The following MTSS1 variants were observed in gnomAD, a reference collection of about 807,000 sequenced individuals.
MTSS1 encodes the protein MTSS I-BAR domain containing 1.
A neutral mutation model predicts 79.0 loss-of-function variants in MTSS1; 18 were observed. The observed-to-expected ratio is 0.23, with a 90% confidence interval of 0.16 to 0.34. The LOEUF (loss-of-function observed/expected upper bound fraction) is 0.34. Among genes scored for constraint, MTSS1 ranks in the 10% least tolerant of loss-of-function variants. The pLI, the probability that MTSS1 is intolerant of heterozygous loss-of-function variation, is 1.00. For missense variants in MTSS1, 815 were observed against 986.2 expected, an observed-to-expected ratio of 0.83 and a Z score of 2.33; for synonymous variants, 341 against 368.6, an observed-to-expected ratio of 0.93 and a Z score of 0.86.
At chr8:124,649,334 C>T (rs1201433847) in intron 3 of MTSS1, among the ~76,000 whole-genome samples, 1 of 152,154 alleles carries the variant, frequency 6.6e-6, no homozygotes, top group Admixed American at 6.5e-5. Flanking sequence ...ATGGAAACCT[C>T]TAAGGAGAGG....
chr8:124,634,168 T>C (rs1816552307), intron 3 of MTSS1, among the ~76,000 whole-genome samples: 1 of 151,688 alleles, frequency 6.6e-6, no homozygotes, highest in African/African-American at 2.4e-5. Flanking sequence ...AGGACAGTGA[T>C]GTAATCATGG....
chr8:124,642,176 G>A (rs760333153), intron 3 of MTSS1, among the ~76,000 whole-genome samples: 8 of 152,170 alleles, frequency 5.3e-5, no homozygotes, highest in Non-Finnish European at 2.9e-5. Flanking sequence ...CGAGGCAGGT[G>A]CAGAATACAT....
At chr8:124,633,946 T>C (rs1816509155) in intron 3 of MTSS1, among the ~76,000 whole-genome samples, 1 of 152,160 alleles carries the variant, frequency 6.6e-6, no homozygotes, top group Non-Finnish European at 1.5e-5. Context: ...AGGCAATTCA[T>C]ATAATTACTT....
chr8:124,643,789 C>A (rs751629993), intron 3 of MTSS1, among the ~76,000 whole-genome samples: 2 of 151,226 alleles, frequency 1.3e-5, no homozygotes, highest in Non-Finnish European at 2.9e-5. Context: ...AGTATGTACC[C>A]ATTGTGTCTA....
At chr8:124,717,182 CT>C (rs1832162628) in intron 1 of MTSS1, among the ~76,000 whole-genome samples, 3 of 152,116 alleles carry the variant, frequency 2.0e-5, no homozygotes, top group African/African-American at 2.4e-5. Flanking sequence ...AGGCCCGCCC[CT>C]AACCACTCTA....
At chr8:124,611,725 A>T (rs1835856289) in intron 3 of MTSS1, among the ~76,000 whole-genome samples, 1 of 152,234 alleles carries the variant, frequency 6.6e-6, no homozygotes, top group Non-Finnish European at 1.5e-5. Flanking sequence ...AATCAGAAAT[A>T]TTAAAAGGAA....
chr8:124,634,443 A>G (rs1214040470), intron 3 of MTSS1, among the ~76,000 whole-genome samples: 2 of 152,072 alleles, frequency 1.3e-5, no homozygotes, highest in Non-Finnish European at 2.9e-5. Context: ...CTGCCCAGCC[A>G]ACAAGTCTTT....
At chr8:124,658,583 C>T (rs1312073545) in intron 3 of MTSS1, among the ~76,000 whole-genome samples, 1 of 152,186 alleles carries the variant, frequency 6.6e-6, no homozygotes, top group African/African-American at 2.4e-5. Context: ...GCAGCTTCTG[C>T]TTCTGGGGAG....
intron 3 of MTSS1, among the ~76,000 whole-genome samples, chr8:124,618,968 T>C (rs1812933052): frequency 6.6e-6 from 1 of 152,206 alleles, no homozygotes; most frequent in Non-Finnish European, 1.5e-5. Flanking sequence ...GGACAGATGT[T>C]TACTAAGTTT....
At position 124,617,843 on chromosome 8, in the gene MTSS1, G is replaced by A. The variant is rs530855776; in HGVS notation, c.209-26608C>T. Among the ~76,000 whole-genome samples, 18 of 152,294 alleles carry A rather than the reference G, an allele frequency of 1.2e-4. No individual in the cohort carries two copies. The East Asian group carries it at 3.5e-3, about 29-fold the overall frequency. ...TCTAGACTTTATTTCTAAAATCCCT[G>A]ACAACTCTATGTGGCAGGCATGAAT... On this transcript the variant is annotated intron_variant, in intron 3 of 13. Transcript: ENST00000518547.
At chr8:124,689,559 A>G (rs1279716952) in intron 3 of MTSS1, among the ~76,000 whole-genome samples, 1 of 151,988 alleles carries the variant, frequency 6.6e-6, no homozygotes, top group Non-Finnish European at 1.5e-5. Context: ...CAGCCTGACC[A>G]ACATGGAGAA....
rs116259709 is a variant in MTSS1 at position 124,578,170 on chromosome 8, G to A, written c.460+6917C>T. On this transcript the variant is annotated intron_variant, in intron 6 of 13. Coordinates refer to ENST00000518547, the MANE Select transcript of MTSS1 (RefSeq NM_014751.6). ...AGGTCAGTGTGGGGTGGGGAGACGC[G>A]GTCCAGGAAGCCAGAGGCTGAGTAG... Among the ~76,000 whole-genome samples the A allele has an allele frequency of 3.5e-3, 538 of 152,182 alleles. 1 individual carries two copies. The highest frequency in any genetic ancestry group is 0.017 in the Middle Eastern group (5 of 294).
At chr8:124,664,136 G>A (rs1452191399) in intron 3 of MTSS1, among the ~76,000 whole-genome samples, 1 of 152,224 alleles carries the variant, frequency 6.6e-6, no homozygotes, top group African/African-American at 2.4e-5. Flanking sequence ...AGAAGCCAGC[G>A]CCTGCAGGGC....
Position 124,582,916 on chromosome 8 carries a change from G to A in MTSS1, c.460+2171C>T, listed in dbSNP as rs79267040. ...AGCTCTCCATAAAAGATTCCAGTCC[G>A]AATGTGACTCTAGTACCTTTCAGAA... is the stretch of plus-strand genomic sequence containing the variant. On this transcript the variant is annotated intron_variant, in intron 6 of 13. Transcript: ENST00000518547. The surrounding 1 kb of genome is among the most constrained non-coding windows in gnomAD (Gnocchi z 4.8). Among the ~76,000 whole-genome samples, 12 of 152,284 alleles carry A rather than the reference G, an allele frequency of 7.9e-5. No individual in the cohort carries two copies. The East Asian group carries it at 1.3e-3, about 17-fold the overall frequency.
Position 124,647,555 on chromosome 8 carries a change from T to C in MTSS1, c.208+51971A>G, listed in dbSNP as rs551631140. 2.6e-5 allele frequency among the ~76,000 whole-genome samples: 4 copies of C among 152,326 alleles called. No individual in the cohort carries two copies. The South Asian group carries it at 8.3e-4, about 32-fold the overall frequency. On this transcript the variant is annotated intron_variant, in intron 3 of 13. Coordinates refer to ENST00000518547, the MANE Select transcript of MTSS1 (RefSeq NM_014751.6). ...ACAACTTATTCATCCTAAAACTTTG[T>C]ACTTTTAGCTAACAACAGTGTTTAT...
intron 3 of MTSS1, among the ~76,000 whole-genome samples, chr8:124,660,692 A>G (rs1469194632): frequency 6.6e-6 from 1 of 152,160 alleles, no homozygotes; most frequent in Non-Finnish European, 1.5e-5. Flanking sequence ...CAATATTTCT[A>G]CGAAGCTTGT....
At chr8:124,625,487 T>G (rs1814481407) in intron 3 of MTSS1, among the ~76,000 whole-genome samples, 1 of 152,214 alleles carries the variant, frequency 6.6e-6, no homozygotes, top group Non-Finnish European at 1.5e-5. Context: ...TCGCAAATGC[T>G]GAAACTTTAG....
chr8:124,628,726 C>G (rs1815247357), intron 3 of MTSS1, among the ~76,000 whole-genome samples: 1 of 152,194 alleles, frequency 6.6e-6, no homozygotes, highest in Admixed American at 6.5e-5. Flanking sequence ...GAGCCAGGAA[C>G]TCCAAGAAGT....
chr8:124,694,213 GA>G (rs1233299614), intron 3 of MTSS1, among the ~76,000 whole-genome samples: 19 of 152,190 alleles, frequency 1.2e-4, no homozygotes, highest in Admixed American at 1.0e-3. Flanking sequence ...GACTTGCGCG[GA>G]GTACAGAGCG....
Sources: allele counts gnomAD v4.1 joint callset (sites outside exome capture counted in the v4.1 genomes callset), GRCh38; gene constraint gnomAD v4.1.1; non-coding constraint Gnocchi (gnomAD v3.1); transcripts MANE v1.5; gene names NCBI Gene and HGNC (gene_info 2026-07-23, HGNC 2026-07-21).